The following ROBO2 variants were observed in gnomAD, a reference collection of about 807,000 sequenced individuals.
ROBO2 encodes roundabout homolog 2.
A neutral mutation model predicts 160.8 loss-of-function variants in ROBO2; 53 were observed. That is an observed-to-expected ratio of 0.33 (90% CI 0.26 to 0.41). ROBO2 has a LOEUF of 0.41. ROBO2 is among the 10% of genes least tolerant of loss of function. The probability of loss-of-function intolerance (pLI) is 1.00; values close to 1 mark genes in which losing one functional copy is unlikely to be tolerated. For missense variants in ROBO2, 1,577 were observed against 1,722.4 expected (o/e 0.92, Z 1.49); for synonymous variants, 664 against 611.7 (o/e 1.09, Z -1.26).
intron 2 of ROBO2, among the ~76,000 whole-genome samples, chr3:76,436,399 T>C (rs1338239364): frequency 2.6e-5 from 4 of 152,156 alleles, no homozygotes; most frequent in African/African-American, 9.6e-5. Flanking sequence ...GTCATGCTCA[T>C]CAGCTTATGG....
At chr3:77,549,616 A>AT (rs1443962503) in intron 7 of ROBO2, among the ~76,000 whole-genome samples, 1 of 152,170 alleles carries the variant, frequency 6.6e-6, no homozygotes, top group East Asian at 1.9e-4. Flanking sequence ...TGAATCTAAT[A>AT]AAGTGGACAT....
intron 2 of ROBO2, among the ~76,000 whole-genome samples, chr3:76,694,199 A>G (rs2092876717): frequency 6.6e-6 from 1 of 152,270 alleles, no homozygotes; most frequent in South Asian, 2.1e-4. Flanking sequence ...CATACTACTG[A>G]ATGTTAGCAT....
chr3:76,381,488 T>TACAG (rs1553727972), intron 2 of ROBO2, among the ~76,000 whole-genome samples: 1 of 152,066 alleles, frequency 6.6e-6, no homozygotes, highest in Non-Finnish European at 1.5e-5. Context: ...TAGCTGGGAC[T>TACAG]ACAGACACGT....
At chr3:76,560,377 C>A (rs2084091052) in intron 2 of ROBO2, among the ~76,000 whole-genome samples, 1 of 151,996 alleles carries the variant, frequency 6.6e-6, no homozygotes, top group Admixed American at 6.6e-5. Context: ...TAGCCTTCAA[C>A]TATAATTTGA....
At chr3:76,917,253 T>C (rs2076378983) in intron 2 of ROBO2, among the ~76,000 whole-genome samples, 1 of 152,214 alleles carries the variant, frequency 6.6e-6, no homozygotes, top group African/African-American at 2.4e-5. Flanking sequence ...TATTATGCAC[T>C]AGGATCATTG....
At chr3:76,876,535 C>G (rs2072741270) in intron 2 of ROBO2, among the ~76,000 whole-genome samples, 1 of 152,056 alleles carries the variant, frequency 6.6e-6, no homozygotes, top group African/African-American at 2.4e-5. Flanking sequence ...ATGAGCCAGG[C>G]ATGGTGGTGC....
chr3:76,669,786 ATATT>A (rs1192040217), intron 2 of ROBO2, among the ~76,000 whole-genome samples: 1 of 152,160 alleles, frequency 6.6e-6, no homozygotes, highest in Non-Finnish European at 1.5e-5. Context: ...GCTGCTCGCA[ATATT>A]TATTAATTTA....
chr3:76,220,073 A>C (rs571555134), intron 2 of ROBO2, among the ~76,000 whole-genome samples: 3 of 151,790 alleles, frequency 2.0e-5, no homozygotes, highest in Non-Finnish European at 4.4e-5. Context: ...AAACTATGGC[A>C]AGGACAAAAA....
intron 2 of ROBO2, among the ~76,000 whole-genome samples, chr3:76,015,701 T>C (rs2066387369): frequency 6.6e-6 from 1 of 152,208 alleles, no homozygotes. Context: ...TTCTAGTTCT[T>C]TCTGTGCATT....
chr3:77,381,144 T>C (rs1016352071), intron 2 of ROBO2, among the ~76,000 whole-genome samples: 2 of 152,048 alleles, frequency 1.3e-5, no homozygotes, highest in Non-Finnish European at 2.9e-5. Context: ...TGAAACCCCG[T>C]CTCTACTAAA....
At chr3:77,200,267 TTATATATATATATATATATATATATA>T (rs144644165) in intron 2 of ROBO2, among the ~76,000 whole-genome samples, 1,239 of 46,634 alleles carry the variant, frequency 0.027, 116 homozygotes, top group Admixed American at 0.19. Flanking sequence ...CTAACATATT[TTATATATATATATATATATATATATA>T]TATATATATA....
chr3:77,129,144 G>T, intron 2 of ROBO2, among the ~76,000 whole-genome samples: 1 of 151,048 alleles, frequency 6.6e-6, no homozygotes, highest in Non-Finnish European at 1.5e-5. Flanking sequence ...TTTATTTTTA[G>T]TAATAATTAT....
chr3:77,165,976 C>G (rs2079038150), intron 2 of ROBO2, among the ~76,000 whole-genome samples: 1 of 152,204 alleles, frequency 6.6e-6, no homozygotes. Context: ...AAGTCTATCT[C>G]TCTCTGTATG....
At chr3:77,149,085 G>A (rs1664300015) in intron 2 of ROBO2, among the ~76,000 whole-genome samples, 1 of 149,856 alleles carries the variant, frequency 6.7e-6, no homozygotes, top group Non-Finnish European at 1.5e-5. Context: ...ACCCAGGCTG[G>A]AGTGCGGTGG....
intron 2 of ROBO2, among the ~76,000 whole-genome samples, chr3:76,055,457 T>G (rs190769205): frequency 1.3e-5 from 2 of 152,304 alleles, no homozygotes; most frequent in East Asian, 3.9e-4. Context: ...TAGTGAACAT[T>G]ATACTCAATA....
chr3:77,355,851 A>C (rs2069037165), intron 2 of ROBO2, among the ~76,000 whole-genome samples: 1 of 152,108 alleles, frequency 6.6e-6, no homozygotes, highest in African/African-American at 2.4e-5. Flanking sequence ...GAGAAACATT[A>C]ATAGCATATA....
intron 2 of ROBO2, among the ~76,000 whole-genome samples, chr3:76,098,676 C>T (rs2069557329): frequency 6.6e-6 from 1 of 151,858 alleles, no homozygotes; most frequent in Non-Finnish European, 1.5e-5. Flanking sequence ...AAAACAGAAG[C>T]ATAGTTTTAA....
intron 2 of ROBO2, among the ~76,000 whole-genome samples, chr3:76,515,970 G>A (rs2081329911): frequency 6.6e-6 from 1 of 152,146 alleles, no homozygotes; most frequent in South Asian, 2.1e-4. Flanking sequence ...CAAGGCATTA[G>A]AGAAAGTGAA....
intron 2 of ROBO2, among the ~76,000 whole-genome samples, chr3:76,000,061 T>C (rs545990531): frequency 6.6e-5 from 10 of 152,324 alleles, no homozygotes; most frequent in African/African-American, 1.9e-4. Flanking sequence ...GAAAAAGACA[T>C]TTAATGAACT....
Sources: allele counts gnomAD v4.1 joint callset (sites outside exome capture counted in the v4.1 genomes callset), GRCh38; gene constraint gnomAD v4.1.1; transcripts MANE v1.5; gene names NCBI Gene and HGNC (gene_info 2026-07-23, HGNC 2026-07-21).